The following ANKRD44 variants were observed in gnomAD, a reference collection of about 807,000 sequenced individuals.
ANKRD44 encodes the protein ankyrin repeat domain 44, also known as serine/threonine-protein phosphatase 6 regulatory ankyrin repeat subunit B.
Under a neutral mutation model 116.0 loss-of-function variants are expected in ANKRD44, and 35 were observed. The ratio of observed to expected loss-of-function variants is 0.30; its 90% CI spans 0.23 to 0.40. The LOEUF (loss-of-function observed/expected upper bound fraction) is 0.40, where lower values mean the gene tolerates loss of function less well. Ranked by LOEUF, ANKRD44 falls within the 10% of genes least tolerant of loss-of-function variation. ANKRD44 has a pLI of 1.00. For synonymous variants in ANKRD44, 435 were observed against 461.8 expected, an observed-to-expected ratio of 0.94 and a Z score of 0.74; for missense variants, 1,014 against 1,242.6, an observed-to-expected ratio of 0.82 and a Z score of 2.77.
intron 2 of ANKRD44, among the ~76,000 whole-genome samples, chr2:197,179,273 C>T (rs1008298309): frequency 1.8e-4 from 28 of 152,142 alleles, no homozygotes; most frequent in African/African-American, 6.0e-4. Flanking sequence ...AGTTTCCTAG[C>T]TAGTCTCACA....
chr2:197,139,828 GA>G (rs1415511330), intron 3 of ANKRD44, among the ~76,000 whole-genome samples: 1 of 150,710 alleles, frequency 6.6e-6, no homozygotes, highest in East Asian at 1.9e-4. Context: ...AATAATGGGG[GA>G]GGGGGGACTA....
chr2:197,059,926 G>A (rs1356061569), intron 16 of ANKRD44, among the ~76,000 whole-genome samples: 1 of 152,190 alleles, frequency 6.6e-6, no homozygotes, highest in Non-Finnish European at 1.5e-5. Flanking sequence ...ATTCGTTACA[G>A]GTTTGGTACT....
At chr2:197,013,399 A>G (rs1057195329) in intron 18 of ANKRD44, 112 bp downstream of exon 18, 1 of 1,230,648 alleles carries the variant, frequency 8.1e-7, no homozygotes, top group African/African-American at 1.5e-5. Flanking sequence ...TCTGATGTGG[A>G]AAGAAAATTG....
chr2:197,231,936 G>A (rs2081873726), intron 1 of ANKRD44, among the ~76,000 whole-genome samples: 1 of 152,124 alleles, frequency 6.6e-6, no homozygotes, highest in African/African-American at 2.4e-5. Context: ...GGTAAGAACA[G>A]GATTGGTCTT....
intron 16 of ANKRD44, among the ~76,000 whole-genome samples, chr2:197,051,208 G>T (rs536942655): frequency 2.6e-5 from 4 of 151,996 alleles, no homozygotes; most frequent in East Asian, 3.9e-4. Flanking sequence ...GGATCTGCCT[G>T]CCTTGGCCTC....
intron 1 of ANKRD44, among the ~76,000 whole-genome samples, chr2:197,274,785 T>C (rs2083024917): frequency 6.6e-6 from 1 of 152,088 alleles, no homozygotes; most frequent in Non-Finnish European, 1.5e-5. Context: ...AGAGGCCAAT[T>C]CTGGTTTAGA....
intron 16 of ANKRD44, among the ~76,000 whole-genome samples, chr2:197,030,585 C>T (rs2076686098): frequency 6.6e-6 from 1 of 152,124 alleles, no homozygotes. Context: ...CTTTCTGATT[C>T]CTTATCTTCC....
At chr2:197,307,550 T>TG (rs1553555956) in intron 1 of ANKRD44, among the ~76,000 whole-genome samples, 3 of 24,062 alleles carry the variant, frequency 1.2e-4, no homozygotes, top group South Asian at 1.4e-3. Context: ...TTTTTTACAG[T>TG]GAAAAAAAAA....
At chr2:197,235,080 C>T (rs1474419019) in intron 1 of ANKRD44, among the ~76,000 whole-genome samples, 1 of 152,164 alleles carries the variant, frequency 6.6e-6, no homozygotes, top group Non-Finnish European at 1.5e-5. Context: ...AACTAAGCTT[C>T]AACACTTCTC....
At chr2:197,177,923 A>G (rs2080405977) in intron 2 of ANKRD44, among the ~76,000 whole-genome samples, 1 of 152,220 alleles carries the variant, frequency 6.6e-6, no homozygotes, top group East Asian at 1.9e-4. Flanking sequence ...CCTCATGTGG[A>G]TGTTCTGCAA....
In ANKRD44 at chr2:197,149,761, G is replaced by A. The variant is rs16862526; in HGVS notation, c.112-2656C>T. On this transcript the variant is annotated intron_variant, in intron 2 of 27. Transcript: ENST00000282272. ...GGAACACCTGATCATGAGTCAAAGC[G>A]TGAATGACCGAGCCACAGTAATCAC... Among the ~76,000 whole-genome samples, 340 of 152,246 alleles carry A rather than the reference G, an allele frequency of 2.2e-3. 5 individuals are homozygous for A. Among genetic ancestry groups the A allele is most frequent in the Admixed American group, 0.019 (297 of 15,288 alleles).
At chr2:197,045,444 C>T (rs1361848899) in intron 16 of ANKRD44, among the ~76,000 whole-genome samples, 4 of 145,128 alleles carry the variant, frequency 2.8e-5, no homozygotes, top group African/African-American at 9.7e-5. Context: ...TTATTTCCAC[C>T]TGTGTTATTC....
intron 1 of ANKRD44, among the ~76,000 whole-genome samples, chr2:197,206,701 C>T (rs759999818): frequency 3.9e-5 from 6 of 152,242 alleles, no homozygotes; most frequent in Admixed American, 3.9e-4. Context: ...AGCGACAGAG[C>T]GAGACTCCTC....
At chr2:197,011,217 G>T (rs1185305951) in intron 18 of ANKRD44, among the ~76,000 whole-genome samples, 2 of 152,118 alleles carry the variant, frequency 1.3e-5, no homozygotes, top group East Asian at 3.8e-4. Flanking sequence ...CAGATGGCAG[G>T]TTCATGAACA....
In ANKRD44 at chr2:197,272,210, A is replaced by G. The variant is rs559437456; in HGVS notation, c.27+38368T>C. Among the ~76,000 whole-genome samples the G allele has an allele frequency of 3.3e-5, 5 of 152,044 alleles. No homozygotes were observed. The South Asian group carries it at 1.0e-3, about 32-fold the overall frequency. On this transcript the variant is annotated intron_variant, in intron 1 of 27. Coordinates refer to ENST00000282272, the MANE Select transcript of ANKRD44 (RefSeq NM_001195144.2). ...CCTGAACTGGGAGAAATAAATTTCT[A>G]TTGTTTTATTTGTTTGTTTGGTATT...
chr2:197,139,535 C>T (rs1385170658), intron 3 of ANKRD44, among the ~76,000 whole-genome samples: 2 of 151,796 alleles, frequency 1.3e-5, no homozygotes, highest in African/African-American at 4.8e-5. Context: ...ATAGTGACTG[C>T]GTCTAGGGAA....
intron 2 of ANKRD44, among the ~76,000 whole-genome samples, chr2:197,148,127 G>C (rs955866847): frequency 2.0e-5 from 3 of 152,138 alleles, no homozygotes; most frequent in African/African-American, 7.2e-5. Context: ...GAGGACTAAA[G>C]ATCATATAAG....
chr2:197,089,979 G>C lies in ANKRD44; in HGVS notation c.1154C>G (p.Ser385Cys). The change falls in exon 11 of 28, where the codon TCT becomes TGT. Residue 385 changes from serine to cysteine, a missense_variant. Transcript: ENST00000282272. ...PLHLAALNAH[S>C]DCCRKLLSSG... is the part of the protein sequence containing the mutation. ...TGATAACAACTTTCTGCAGCAGTCAGAGTGAGCATTTAGGGCAGCTAAATG... is the reference window on the plus strand; with the variant it reads ...TGATAACAACTTTCTGCAGCAGTCACAGTGAGCATTTAGGGCAGCTAAATG... The C allele has an allele frequency of 6.2e-7, 1 of 1,614,064 alleles. No homozygotes were observed. Among genetic ancestry groups the C allele is most frequent in the Non-Finnish European group, 8.5e-7 (1 of 1,179,964 alleles).
intron 20 of ANKRD44, 74 bp downstream of exon 20, chr2:197,007,732 G>A: frequency 1.0e-6 from 1 of 1,004,904 alleles, no homozygotes; most frequent in South Asian, 1.4e-5. Flanking sequence ...TAGGCCCTTT[G>A]TAATTGTTTG....
Sources: allele counts gnomAD v4.1 joint callset (sites outside exome capture counted in the v4.1 genomes callset), GRCh38; gene constraint gnomAD v4.1.1; transcripts MANE v1.5; gene names NCBI Gene and HGNC (gene_info 2026-07-23, HGNC 2026-07-21).